Variants in ZFAND4 observed in about 807,000 individuals in gnomAD.
The protein encoded by ZFAND4 is AN1-type zinc finger protein 4.
A neutral mutation model predicts 64.4 loss-of-function variants in ZFAND4; 43 were observed. The observed-to-expected ratio is 0.67, with a 90% CI of 0.52 to 0.86. The LOEUF (loss-of-function observed/expected upper bound fraction) is 0.86. ZFAND4 is among the 40% of genes least tolerant of loss of function. ZFAND4 has a pLI of 0.00. For synonymous variants in ZFAND4, 296 were observed against 305.7 expected (o/e 0.97, Z 0.33); for missense variants, 929 against 859.8 (o/e 1.08, Z -1.01).
chr10:45,671,569 A>G (rs1379968681), intron 1 of ZFAND4, among the ~76,000 whole-genome samples: 1 of 152,204 alleles, frequency 6.6e-6, no homozygotes, highest in Non-Finnish European at 1.5e-5. Flanking sequence ...TTCTCAGCAA[A>G]CTGTCACAAG....
chr10:45,642,987 G>A (rs569060665), intron 5 of ZFAND4, among the ~76,000 whole-genome samples: 6 of 136,118 alleles, frequency 4.4e-5, no homozygotes, highest in African/African-American at 8.5e-5. Context: ...GTGCAATCTC[G>A]GCTCACCGCA....
At chr10:45,635,521 TA>T (rs200904375) in intron 6 of ZFAND4, among the ~76,000 whole-genome samples, 9,084 of 152,214 alleles carry the variant, frequency 0.06, 392 homozygotes, top group African/African-American at 0.12. Context: ...AAATCAAATC[TA>T]AATGAACTAA....
chr10:45,642,297 C>A (rs2047055580), intron 5 of ZFAND4, among the ~76,000 whole-genome samples: 1 of 151,580 alleles, frequency 6.6e-6, no homozygotes, highest in African/African-American at 2.4e-5. Flanking sequence ...CATACATACA[C>A]ACATATATAT....
intron 6 of ZFAND4, among the ~76,000 whole-genome samples, chr10:45,629,646 A>C (rs1390501456): frequency 6.6e-6 from 1 of 152,030 alleles, no homozygotes; most frequent in Non-Finnish European, 1.5e-5. Context: ...AGATTGCTTG[A>C]GTTCAGGAGT....
At chr10:45,644,203 G>C (rs760389765) in intron 5 of ZFAND4, among the ~76,000 whole-genome samples, 1 of 152,050 alleles carries the variant, frequency 6.6e-6, no homozygotes, top group African/African-American at 2.4e-5. Flanking sequence ...TTTATTACTA[G>C]GGTATACCCA....
At chr10:45,651,741 A>T in intron 4 of ZFAND4, 1 of 598,378 alleles carries the variant, frequency 1.7e-6, no homozygotes, top group African/African-American at 1.9e-5. Flanking sequence ...TTATTTTTAA[A>T]CCTCTCTGAA....
chr10:45,669,101 A>C (rs1186280625), intron 1 of ZFAND4, among the ~76,000 whole-genome samples: 1 of 152,230 alleles, frequency 6.6e-6, no homozygotes, highest in South Asian at 2.1e-4. Flanking sequence ...AAAATCAATG[A>C]ATCTGAGAGC....
chr10:45,635,327 C>A (rs1372254699), intron 6 of ZFAND4, among the ~76,000 whole-genome samples: 1 of 150,756 alleles, frequency 6.6e-6, no homozygotes, highest in Non-Finnish European at 1.5e-5. Flanking sequence ...CATAGATGCA[C>A]AACCAATGGA....
At chr10:45,668,712 T>C (rs112203892) in intron 1 of ZFAND4, among the ~76,000 whole-genome samples, 3,894 of 152,282 alleles carry the variant, frequency 0.026, 70 homozygotes, top group East Asian at 0.053. Flanking sequence ...CAGACCACAG[T>C]GCAATCAAAT....
At chr10:45,630,952 C>A (rs1325982109) in intron 6 of ZFAND4, among the ~76,000 whole-genome samples, 6 of 148,306 alleles carry the variant, frequency 4.0e-5, no homozygotes, top group African/African-American at 1.2e-4. Flanking sequence ...CACTGCAAGA[C>A]CCTGTCTTTA....
intron 5 of ZFAND4, among the ~76,000 whole-genome samples, chr10:45,643,554 C>T (rs1230815704): frequency 6.6e-6 from 1 of 151,188 alleles, no homozygotes; most frequent in East Asian, 2.0e-4. Flanking sequence ...CCTGTAGTCC[C>T]AGCTACTTGG....
rs2045832208 is a variant in ZFAND4 at position 45,626,458 on chromosome 10, C to T, written c.1365G>A (p.Glu455=). The T allele has an allele frequency of 1.1e-5, 18 of 1,613,672 alleles. No individual in the cohort carries two copies. In the East Asian group the frequency reaches 2.0e-4, roughly 18 times the overall value. The part of the protein sequence containing the change: ...VAGVLNGESV[E]TSVLNYRELS... The stretch of plus-strand genomic sequence containing the variant: ...ATTCCCGGTAGTTAAGAACTGAAGT[C>T]TCTACTGATTCCCCATTCAGCACTC... Residue 455 remains glutamate (E), a synonymous_variant, in exon 7 of 10, where the codon GAG becomes GAA. Coordinates refer to ENST00000344646, the MANE Select transcript of ZFAND4 (RefSeq NM_174890.4).
rs761003402 is a variant in ZFAND4, at chr10:45,626,550, C to G, written c.1273G>C (p.Glu425Gln). 6.2e-7 allele frequency: 1 copy of G among 1,614,132 alleles called. No individual in the cohort carries two copies. Among genetic ancestry groups the G allele is most frequent in the Non-Finnish European group, 8.5e-7 (1 of 1,180,040 alleles). ...TTGTCAGCATTAGTGAGTAGCAACT[C>G]CAGATTCACTTTGCACGCACCTTCT... ...GLEGACKVNL[E>Q]LLLTNADKGL... The change falls in exon 7 of 10, where the codon GAG (glutamate) becomes CAG (glutamine). Residue 425 changes from glutamate (E) to glutamine (Q), a missense_variant. Physicochemically the swap from Glu to Gln is conservative, Grantham distance 29. Transcript: ENST00000344646.
chr10:45,656,729 T>C (rs775593632), intron 2 of ZFAND4, among the ~76,000 whole-genome samples: 5 of 152,012 alleles, frequency 3.3e-5, no homozygotes, highest in African/African-American at 1.2e-4. Flanking sequence ...CCCAATATAA[T>C]GGTATCAGAG....
chr10:45,643,129 A>T (rs946932979), intron 5 of ZFAND4, among the ~76,000 whole-genome samples: 2 of 150,492 alleles, frequency 1.3e-5, no homozygotes, highest in African/African-American at 4.9e-5. Flanking sequence ...CATGTTGGTC[A>T]GACTGGTCTC....
chr10:45,665,300 G>A (rs1474452819), intron 1 of ZFAND4, among the ~76,000 whole-genome samples: 1 of 152,136 alleles, frequency 6.6e-6, no homozygotes, highest in Non-Finnish European at 1.5e-5. Flanking sequence ...AGCACGTTGG[G>A]AGGCCGAGGT....
intron 2 of ZFAND4, among the ~76,000 whole-genome samples, chr10:45,655,786 A>G (rs1365895878): frequency 1.3e-5 from 2 of 152,248 alleles, no homozygotes; most frequent in Non-Finnish European, 2.9e-5. Flanking sequence ...TCCTAGAAAC[A>G]TACAATCCTC....
intron 7 of ZFAND4, among the ~76,000 whole-genome samples, chr10:45,625,638 C>T (rs527677865): frequency 1.4e-5 from 2 of 142,492 alleles, no homozygotes; most frequent in Admixed American, 1.3e-4. Flanking sequence ...TTCCTATATT[C>T]CCAGCTACTC....
At chr10:45,637,421 A>T (rs2046681504) in intron 6 of ZFAND4, among the ~76,000 whole-genome samples, 1 of 151,974 alleles carries the variant, frequency 6.6e-6, no homozygotes, top group South Asian at 2.1e-4. Flanking sequence ...GACCTGTGGT[A>T]GGAAAATATT....
Sources: gnomAD v4.1 joint callset for allele counts (sites outside exome capture counted in the v4.1 genomes callset) on GRCh38, gnomAD v4.1.1 for gene constraint, MANE v1.5 for transcripts, NCBI Gene and HGNC (gene_info 2026-07-23, HGNC 2026-07-21) for gene names.